FASN: variants seen among roughly 807,000 people sequenced by gnomAD.
FASN encodes the protein 3-hydroxyacyl-[acyl-carrier-protein] dehydratase.
FASN carries 50 observed loss-of-function variants against 250.0 expected under a neutral mutation model. That is an observed-to-expected ratio of 0.20 (90% CI 0.16 to 0.25). FASN has a LOEUF of 0.25. Among genes scored for constraint, FASN ranks in the 10% least tolerant of loss-of-function variants. The pLI, the probability that FASN is intolerant of heterozygous loss-of-function variation, is 1.00. For synonymous variants in FASN, 1,909 were observed against 1,584.0 expected (o/e 1.21, Z -4.87); for missense variants, 3,031 against 3,498.5 (o/e 0.87, Z 3.37).
Position 82,082,127 on chromosome 17 carries a change from G to A in FASN, c.6045C>T (p.Tyr2015=). The A allele has an allele frequency of 6.2e-7, 1 of 1,606,588 alleles. No individual in the cohort carries two copies. Among genetic ancestry groups the A allele is most frequent in the Non-Finnish European group, 8.5e-7 (1 of 1,179,970 alleles). Residue 2015 remains tyrosine, a synonymous_variant, in exon 36 of 43, where the codon TAC becomes TAT. Coordinates refer to ENST00000306749, the MANE Select transcript of FASN (RefSeq NM_004104.5). ...AGCTCACAGAGGAGAAGACCACAAA[G>A]TAGTCCAGCTCAGGGCACGCCTCTC... ...VTREACPELD[Y]FVVFSSVSCG...
chr17:82,096,571 C>A, intron 1 of FASN, 119 bp from the exon 2 acceptor site: 1 of 1,470,766 alleles, frequency 6.8e-7, no homozygotes, highest in South Asian at 1.1e-5. Flanking sequence ...AGGGTCCGTG[C>A]GGGCCCTGGC....
At position 82,082,379 on chromosome 17, in the gene FASN, T is replaced by C; in HGVS notation, c.5955A>G (p.Pro1985=). 1.2e-6 allele frequency: 2 copies of C among 1,612,902 alleles called. No homozygotes were observed. Among genetic ancestry groups the C allele is most frequent in the Non-Finnish European group, 1.7e-6 (2 of 1,179,982 alleles). The change falls in exon 35 of 43, where the codon CCA becomes CCG. Residue 1985 remains proline (P), a synonymous_variant. Transcript: ENST00000306749. ...LRDGLLENQT[P]EFFQDVCKPK... is the part of the protein sequence containing the mutation. ...GCTTGCAGACGTCCTGGAAGAACTC[T>C]GGGGTCTGGTTCTCCAGCAAGCCAT... is the stretch of plus-strand genomic sequence containing the variant.
At position 82,092,830 on chromosome 17, in the gene FASN, C is replaced by T. The variant is rs370207748; in HGVS notation, c.779-18G>A. 2.1e-4 allele frequency: 327 copies of T among 1,586,156 alleles called. No individual in the cohort carries two copies. Among genetic ancestry groups the T allele is most frequent in the Non-Finnish European group, 2.6e-4 (309 of 1,167,086 alleles). On this transcript the variant is annotated intron_variant, in intron 6 of 42. Transcript: ENST00000306749. The stretch of plus-strand genomic sequence containing the variant: ...GGTCACGCCTGCGGAGGGCTCGGCT[C>T]AGTGCTGCAGCCCCAGCCCCGGCTC...
rs370507537 is a variant in FASN at position 82,087,798 on chromosome 17, G to C, written c.2930C>G (p.Pro977Arg). Residue 977 changes from proline (P) to arginine (R), a missense_variant, in exon 19 of 43, where the codon CCC (proline) becomes CGC (arginine). Pro to Arg is a moderately radical substitution (Grantham distance 103). Coordinates refer to ENST00000306749, the MANE Select transcript of FASN (RefSeq NM_004104.5). ...CAGGAAGAGGGGCTCCGTGGGGTTG[G>C]GGGTGGGGCTTTCCGGGTGGTCGAA... ...RLFDHPESPT[P>R]NPTEPLFLAQ... 5 of 1,612,644 alleles carry C rather than the reference G, an allele frequency of 3.1e-6. No homozygotes were observed. Among genetic ancestry groups the C allele is most frequent in the Non-Finnish European group, 8.5e-7 (1 of 1,179,926 alleles).
In FASN at chr17:82,092,681, G is replaced by A. The variant is rs764956123; in HGVS notation, c.894+16C>T. On this transcript the variant is annotated intron_variant, in intron 7 of 42. Transcript: ENST00000306749. Reference sequence around the variant, plus strand: ...GCTCATGGGGTGGTGAGTGGGGCGGGGGGGGGGGGCATCACCTTGGTGCCT... The same window carrying A: ...GCTCATGGGGTGGTGAGTGGGGCGGAGGGGGGGGGCATCACCTTGGTGCCT... 1.3e-4 allele frequency: 83 copies of A among 660,706 alleles called. No individual in the cohort carries two copies. In the East Asian group the frequency reaches 2.0e-3, roughly 16 times the overall value. 40.9% of individuals were successfully genotyped at this position (660,706 alleles called of 1,614,324 possible).
intron 41 of FASN, chr17:82,079,864 T>C (rs1432128156): frequency 6.3e-6 from 4 of 633,110 alleles, no homozygotes; most frequent in South Asian, 2.0e-5. Context: ...AGTGCCACCA[T>C]GCCTGGCTAA....
chr17:82,082,578 A>T lies in FASN; in HGVS notation c.5868T>A (p.Ile1956=). 2.5e-6 allele frequency: 4 copies of T among 1,609,828 alleles called. No homozygotes were observed. The highest frequency in any genetic ancestry group is 3.4e-6 in the Non-Finnish European group (4 of 1,179,844). Residue 1956 remains isoleucine (I), a synonymous_variant, in exon 34 of 43, where the codon ATT becomes ATA. Coordinates refer to ENST00000306749, the MANE Select transcript of FASN (RefSeq NM_004104.5). The part of the protein sequence containing the change: ...ISSLEGARGL[I]AEAAQLGPVG... ...CGGGCCCAAGCTGCGCCGCCTCGGCAATGAGGCCCCGGGCCCCCTCCAGTG... is the reference window on the plus strand; with the variant it reads ...CGGGCCCAAGCTGCGCCGCCTCGGCTATGAGGCCCCGGGCCCCCTCCAGTG...
At chr17:82,079,726 A>T (rs1056250720) in intron 41 of FASN, 118 bp from the exon 42 acceptor site, 2 of 1,389,354 alleles carry the variant, frequency 1.4e-6, no homozygotes, top group African/African-American at 2.9e-5. Context: ...TACCCAGGCT[A>T]GATGGAGTGG....
Position 82,090,398 on chromosome 17 carries a change from G to C in FASN, c.1847C>G (p.Pro616Arg). 1 of 1,595,530 alleles carries C rather than the reference G, an allele frequency of 6.3e-7. No individual in the cohort carries two copies. The highest frequency in any genetic ancestry group is 8.5e-7 in the Non-Finnish European group (1 of 1,172,490). ...ACCCACGGCTGCCATGGCGCCCGGC[G>C]GGAGATGGGCTTCTTTGATGCACTG... ...RGQCIKEAHL[P>R]PGAMAAVGLS... The change falls in exon 11 of 43, where the codon CCG (proline) becomes CGG (arginine). Residue 616 changes from proline to arginine, a missense_variant. Physicochemically the swap from Pro to Arg is moderately radical, Grantham distance 103. Coordinates refer to ENST00000306749, the MANE Select transcript of FASN (RefSeq NM_004104.5).
In FASN at chr17:82,080,936, G is replaced by T. The variant is rs749070232; in HGVS notation, c.6596-14C>A. On this transcript the variant is annotated splice_polypyrimidine_tract_variant and intron_variant, in intron 38 of 42. Coordinates refer to ENST00000306749, the MANE Select transcript of FASN (RefSeq NM_004104.5). ...GGCATGCCAGCTCTGTGAAGACAGG[G>T]GCAGATGCCAGGCTGGTCTGGGTGC... 7 of 1,593,608 alleles carry T rather than the reference G, an allele frequency of 4.4e-6. No individual in the cohort carries two copies. In the South Asian group the frequency reaches 7.9e-5, roughly 18 times the overall value.
intron 12 of FASN, 61 bp from the exon 13 acceptor site, chr17:82,089,445 G>A (rs1200831407): frequency 3.1e-6 from 5 of 1,611,896 alleles, no homozygotes; most frequent in African/African-American, 2.7e-5. Flanking sequence ...GGCTCGGAGA[G>A]GTAGGGCGCA....
chr17:82,081,535 C>T (rs2033986744), intron 37 of FASN, 66 bp downstream of exon 37: 36 of 1,604,170 alleles, frequency 2.2e-5, no homozygotes, highest in Non-Finnish European at 3.1e-5. Flanking sequence ...GGCACGACTG[C>T]TATGTCCCAA....
Position 82,094,803 on chromosome 17 carries a change from A to G in FASN, c.280+517T>C, listed in dbSNP as rs549784396. Among the ~76,000 whole-genome samples, 3 of 151,574 alleles carry G rather than the reference A, an allele frequency of 2.0e-5. No individual in the cohort carries two copies. The South Asian group carries it at 6.3e-4, about 32-fold the overall frequency. The stretch of plus-strand genomic sequence containing the variant: ...ACTCCGTCTTAAAAATAAATAAATA[A>G]ATAAAAATAAAAATAAAAAAACGGC... On this transcript the variant is annotated intron_variant, in intron 3 of 42. Transcript: ENST00000306749.
intron 1 of FASN, among the ~76,000 whole-genome samples, chr17:82,097,803 G>C (rs1286224056): frequency 3.9e-5 from 6 of 152,088 alleles, no homozygotes; most frequent in African/African-American, 1.4e-4. Context: ...CGCCTTTGTG[G>C]GCGCGGGGAG....
intron 41 of FASN, chr17:82,079,855 G>C: frequency 3.1e-6 from 2 of 635,632 alleles, no homozygotes; most frequent in Non-Finnish European, 5.4e-6. Context: ...CTATAGGTGA[G>C]TGCCACCATG....
chr17:82,078,593 G>A lies in FASN; in HGVS notation c.*550C>T. The A allele has an allele frequency of 5.7e-6, 1 of 176,288 alleles. No individual in the cohort carries two copies. The highest frequency in any genetic ancestry group is 1.2e-5 in the Non-Finnish European group (1 of 82,680). 10.9% of individuals were successfully genotyped at this position (176,288 alleles called of 1,614,324 possible). A position where few individuals can be genotyped will look rare whatever the true frequency, so the allele number is the denominator to read the frequency against. On this transcript the variant is annotated 3_prime_UTR_variant, in exon 43 of 43. Coordinates refer to ENST00000306749, the MANE Select transcript of FASN (RefSeq NM_004104.5). The surrounding 1 kb of genome is among the most constrained non-coding windows in gnomAD (Gnocchi z 5.4). ...GCCGCTGGGTGTGGCCGGGCCCTGT[G>A]TGCCTGTGCAGGGGCCCAGCTCCTC...
chr17:82,082,439 C>T, intron 34 of FASN, 25 bp from the exon 35 acceptor site: 1 of 1,612,416 alleles, frequency 6.2e-7, no homozygotes, highest in Admixed American at 1.7e-5. Flanking sequence ...CTCAGCACTC[C>T]CTGCAGCTCC....
intron 32 of FASN, 28 bp from the exon 33 acceptor site, chr17:82,083,143 A>G (rs949240862): frequency 1.1e-5 from 18 of 1,610,456 alleles, no homozygotes; most frequent in Non-Finnish European, 1.5e-5. Flanking sequence ...CCACCGGCTC[A>G]GGCACTGCCT....
Position 82,095,382 on chromosome 17 carries a change from T to C in FASN, c.218A>G (p.His73Arg), listed in dbSNP as rs1370108551. 12 of 1,612,876 alleles carry C rather than the reference T, an allele frequency of 7.4e-6. No homozygotes were observed. Among genetic ancestry groups the C allele is most frequent in the African/African-American group, 1.3e-5 (1 of 74,960 alleles). Residue 73 changes from histidine (H) to arginine (R), a missense_variant, in exon 3 of 43, where the codon CAC becomes CGC. His to Arg is a conservative substitution (Grantham distance 29). Coordinates refer to ENST00000306749, the MANE Select transcript of FASN (RefSeq NM_004104.5). ...CAGCCGCAGCTGAGGGTCCATCGTG[T>C]GTGCCTGCTTGGGGTGGACTCCGAA... The part of the protein sequence containing the change: ...SFFGVHPKQA[H>R]TMDPQLRLLL...
Sources: gnomAD v4.1 joint callset for allele counts (sites outside exome capture counted in the v4.1 genomes callset) on GRCh38, gnomAD v4.1.1 for gene constraint, Gnocchi (gnomAD v3.1) non-coding constraint, MANE v1.5 for transcripts, NCBI Gene and HGNC (gene_info 2026-07-23, HGNC 2026-07-21) for gene names.